The following DMXL2 variants were observed in gnomAD, a reference collection of about 807,000 sequenced individuals.
DMXL2 encodes the protein Dmx like 2.
In DMXL2, 103 loss-of-function variants were observed where a neutral mutation model predicts 331.1. The observed-to-expected ratio is 0.31, with a 90% CI of 0.27 to 0.37. The LOEUF (loss-of-function observed/expected upper bound fraction) is 0.37. Among genes scored for constraint, DMXL2 ranks in the 10% least tolerant of loss-of-function variants. The pLI, the probability that DMXL2 is intolerant of heterozygous loss-of-function variation, is 1.00. For synonymous variants in DMXL2, 1,281 were observed against 1,252.1 expected (o/e 1.02, Z -0.49); for missense variants, 3,171 against 3,642.9 (o/e 0.87, Z 3.33).
rs765268992 is a variant in DMXL2 at position 51,536,878 on chromosome 15, A to G, written c.1618-16T>C. The G allele has an allele frequency of 6.4e-7, 1 of 1,574,290 alleles. No homozygotes were observed. Among genetic ancestry groups the G allele is most frequent in the South Asian group, 1.2e-5 (1 of 84,836 alleles). On this transcript the variant is annotated splice_polypyrimidine_tract_variant and intron_variant, in intron 11 of 43. Transcript: ENST00000560891. ...AAAAAGAAACCTGAAAAACATAATT[A>G]TATGATTCAGTGCAAATAGTTTACC...
chr15:51,573,268 A>C (rs747888562), intron 2 of DMXL2, among the ~76,000 whole-genome samples: 1 of 152,194 alleles, frequency 6.6e-6, no homozygotes, highest in Non-Finnish European at 1.5e-5. Flanking sequence ...TAGTTCAACC[A>C]TTTGTGTAAG....
intron 6 of DMXL2, among the ~76,000 whole-genome samples, chr15:51,557,666 T>G (rs569162583): frequency 6.6e-6 from 1 of 152,168 alleles, no homozygotes; most frequent in South Asian, 2.1e-4. Context: ...CAGGTGACAC[T>G]CATACAAGGA....
intron 1 of DMXL2, among the ~76,000 whole-genome samples, chr15:51,589,432 C>T (rs926656206): frequency 3.9e-5 from 6 of 152,168 alleles, no homozygotes; most frequent in Non-Finnish European, 5.9e-5. Context: ...TAAAATAAAC[C>T]TTGCTCTTAC....
Position 51,537,642 on chromosome 15 carries a change from G to A in DMXL2, c.1463C>T (p.Thr488Met), listed in dbSNP as rs145006217. The A allele has an allele frequency of 2.5e-4, 405 of 1,613,834 alleles. 1 individual carries two copies. The highest frequency in any genetic ancestry group is 1.8e-3 in the Admixed American group (108 of 59,980). The change falls in exon 11 of 44, where the codon ACG becomes ATG. Residue 488 changes from threonine (T) to methionine (M), a missense_variant. Physicochemically the swap from Thr to Met is moderately conservative, Grantham distance 81. Transcript: ENST00000560891. ...SRLSVPMPLP[T>M]VLLDRKIETL... ...TTCAATCTTCCGATCAAGCAGAACC[G>A]TAGGCAGTGGCATTGGTACACTAAG...
At chr15:51,479,618 G>T (rs2041860363) in intron 25 of DMXL2, among the ~76,000 whole-genome samples, 1 of 152,008 alleles carries the variant, frequency 6.6e-6, no homozygotes, top group African/African-American at 2.4e-5. Flanking sequence ...ATAATATCTT[G>T]GCATGTAAAC....
chr15:51,536,957 C>CA, intron 11 of DMXL2, 95 bp from the exon 12 acceptor site: 3 of 1,083,094 alleles, frequency 2.8e-6, no homozygotes, highest in Non-Finnish European at 3.9e-6. Flanking sequence ...AGCTTCTTAT[C>CA]AAAAAATGTC....
At chr15:51,521,967 A>G (rs1204671440) in intron 13 of DMXL2, among the ~76,000 whole-genome samples, 1 of 152,228 alleles carries the variant, frequency 6.6e-6, no homozygotes, top group African/African-American at 2.4e-5. Context: ...TAATAGCAGC[A>G]CACACTATAC....
chr15:51,471,297 G>A lies in DMXL2; in HGVS notation c.7318C>T (p.Pro2440Ser). Residue 2440 changes from proline (P) to serine (S), a missense_variant, in exon 29 of 44, where the codon CCT becomes TCT. By Grantham distance (74) the Pro-to-Ser change is moderately conservative (BLOSUM62 -1). Around this residue, in one of 7 missense-constraint regions of DMXL2, gnomAD observed 766 missense variants for 940.5 expected, o/e 0.81. Coordinates refer to ENST00000560891, the MANE Select transcript of DMXL2 (RefSeq NM_001378457.1). ...PVKDATPPPV[P>S]AERPSYKEKF... is the part of the protein sequence containing the mutation. ...TCTTTGTAAGATGGTCTTTCTGCAG[G>A]CACCGGTGGTGGGGTAGCATCTTTT... The A allele has an allele frequency of 6.2e-7, 1 of 1,614,032 alleles. No individual in the cohort carries two copies. The highest frequency in any genetic ancestry group is 1.1e-5 in the South Asian group (1 of 91,072).
intron 41 of DMXL2, 79 bp downstream of exon 41, chr15:51,453,471 C>T: frequency 9.4e-7 from 1 of 1,059,692 alleles, no homozygotes; most frequent in Non-Finnish European, 1.3e-6. Context: ...AAAAACCCTA[C>T]TAATAGAAAA....
intron 13 of DMXL2, among the ~76,000 whole-genome samples, chr15:51,521,180 A>T (rs1378042691): frequency 1.3e-5 from 2 of 152,164 alleles, no homozygotes; most frequent in African/African-American, 4.8e-5. Context: ...CCGTAGTTGT[A>T]AGAGTTTGGT....
intron 13 of DMXL2, among the ~76,000 whole-genome samples, chr15:51,534,510 T>C (rs1484380856): frequency 6.6e-6 from 1 of 152,210 alleles, no homozygotes; most frequent in Non-Finnish European, 1.5e-5. Context: ...GAGCTGCATT[T>C]AGAGTTGAGT....
At chr15:51,593,992 C>G (rs2052596126) in intron 1 of DMXL2, among the ~76,000 whole-genome samples, 1 of 152,222 alleles carries the variant, frequency 6.6e-6, no homozygotes, top group Non-Finnish European at 1.5e-5. Flanking sequence ...ACCCTAACAT[C>G]ACAATTAAAA....
chr15:51,475,707 G>A (rs1160074798), intron 27 of DMXL2, among the ~76,000 whole-genome samples: 1 of 152,078 alleles, frequency 6.6e-6, no homozygotes, highest in Non-Finnish European at 1.5e-5. Flanking sequence ...GCACATTAGT[G>A]GGACAACTGG....
chr15:51,477,660 T>C (rs2041696186), intron 26 of DMXL2, among the ~76,000 whole-genome samples: 1 of 152,124 alleles, frequency 6.6e-6, no homozygotes, highest in South Asian at 2.1e-4. Flanking sequence ...ATTAACATTA[T>C]TCATTTAAAT....
intron 1 of DMXL2, among the ~76,000 whole-genome samples, chr15:51,590,170 A>C (rs2052183768): frequency 6.6e-6 from 1 of 152,174 alleles, no homozygotes; most frequent in Non-Finnish European, 1.5e-5. Context: ...TAGGCTAGCC[A>C]GCAAGCTATG....
At chr15:51,487,399 A>G (rs1009532808) in intron 22 of DMXL2, among the ~76,000 whole-genome samples, 3 of 148,750 alleles carry the variant, frequency 2.0e-5, no homozygotes, top group African/African-American at 7.3e-5. Context: ...ACTATTTTTC[A>G]GCATTTTTTT....
rs375193472 is a variant in DMXL2 at position 51,491,740 on chromosome 15, A to T, written c.4791T>A (p.Ser1597=). The T allele has an allele frequency of 2.5e-6, 4 of 1,593,304 alleles. No homozygotes were observed. The African/African-American group carries it at 5.5e-5, about 22-fold the overall frequency. Reference sequence around the variant, plus strand: ...GAAAAGCCCAGGCAAAATGGCATGTAGAGACACCTAAATTGGAAATATAAA... The same window carrying T: ...GAAAAGCCCAGGCAAAATGGCATGTTGAGACACCTAAATTGGAAATATAAA... ...YRVQLLHQGV[S]TCHFAWAFHS... The change falls in exon 20 of 44, where the codon TCT becomes TCA. Residue 1597 remains serine (S), a synonymous_variant. Coordinates refer to ENST00000560891, the MANE Select transcript of DMXL2 (RefSeq NM_001378457.1).
rs1300940347 is a variant in DMXL2, at chr15:51,499,484, G to C, written c.3740C>G (p.Ser1247Ter). The change falls in exon 18 of 44, where the codon TCA (serine) becomes TGA (stop). Residue 1247 changes from serine (S) to a stop codon, truncating the protein, a stop_gained. Transcript: ENST00000560891. LOFTEE classifies it high-confidence loss of function. Reference sequence around the variant, plus strand: ...TACCCAAGAGAGAGAAACAGGCAGTGAAGGAGTACCATCAACAGAAGATAC... The same window carrying C: ...TACCCAAGAGAGAGAAACAGGCAGTCAAGGAGTACCATCAACAGAAGATAC... The part of the protein sequence containing the change: ...DLVSSVDGTP[S>*]LPVSLSWVRD... 1 of 1,614,066 alleles carries C rather than the reference G, an allele frequency of 6.2e-7. No individual in the cohort carries two copies. The highest frequency in any genetic ancestry group is 1.1e-5 in the South Asian group (1 of 91,072).
rs1316675678 is a variant in DMXL2, at chr15:51,457,336, C to T, written c.8329G>A (p.Ala2777Thr). The change falls in exon 37 of 44, where the codon GCT (alanine) becomes ACT (threonine). Residue 2777 changes from alanine to threonine, a missense_variant. By Grantham distance (58) the Ala-to-Thr change is moderately conservative. Around this residue, in one of 7 missense-constraint regions of DMXL2, gnomAD observed 766 missense variants for 940.5 expected, o/e 0.81. Transcript: ENST00000560891. Reference sequence around the variant, plus strand: ...ATAAGTAAATAACATACCACACTAGCTCCAGTGCTAGTCTGTCCAGTGCCC... The same window carrying T: ...ATAAGTAAATAACATACCACACTAGTTCCAGTGCTAGTCTGTCCAGTGCCC... The part of the protein sequence containing the change: ...WLGTGQTSTG[A>T]SVLMKRNLHN... 6.2e-7 allele frequency: 1 copy of T among 1,613,508 alleles called. No individual in the cohort carries two copies. Among genetic ancestry groups the T allele is most frequent in the Non-Finnish European group, 8.5e-7 (1 of 1,179,824 alleles).
Sources: gnomAD v4.1 joint callset for allele counts (sites outside exome capture counted in the v4.1 genomes callset) on GRCh38, gnomAD v4.1.1 for gene constraint, gnomAD v4.1.1 regional missense constraint, MANE v1.5 for transcripts, NCBI Gene and HGNC (gene_info 2026-07-23, HGNC 2026-07-21) for gene names.